The following AGO2 variants were observed in gnomAD, a reference collection of about 807,000 sequenced individuals.
AGO2 encodes protein argonaute-2.
A neutral mutation model predicts 102.3 loss-of-function variants in AGO2; 5 were observed. The observed-to-expected ratio is 0.05, with a 90% CI of 0.03 to 0.10. The LOEUF (loss-of-function observed/expected upper bound fraction) is 0.10, where lower values mean the gene tolerates loss of function less well. Among genes scored for constraint, AGO2 ranks in the 10% least tolerant of loss-of-function variants. The pLI is 1.00. For synonymous variants in AGO2, 449 were observed against 473.1 expected (o/e 0.95, Z 0.66); for missense variants, 541 against 1,183.7 (o/e 0.46, Z 7.97).
chr8:140,574,429 T>G (rs957540227), intron 2 of AGO2, among the ~76,000 whole-genome samples: 6 of 151,988 alleles, frequency 3.9e-5, no homozygotes, highest in African/African-American at 1.5e-4. Flanking sequence ...GCCCAGTTAA[T>G]TTTTAAATTT....
chr8:140,574,575 T>C (rs1163077842), intron 2 of AGO2, among the ~76,000 whole-genome samples: 1 of 152,068 alleles, frequency 6.6e-6, no homozygotes, highest in Non-Finnish European at 1.5e-5. Flanking sequence ...AGGGGGGTTC[T>C]GAGGCATTTT....
chr8:140,535,056 G>A (rs1438164709), intron 17 of AGO2, among the ~76,000 whole-genome samples: 4 of 152,212 alleles, frequency 2.6e-5, no homozygotes, highest in Non-Finnish European at 4.4e-5. Context: ...GGCTGACTGC[G>A]CCAAGTGCTC....
rs975469017 is a variant in AGO2 at position 140,531,840 on chromosome 8, T to C, written c.*204A>G. ...TTAGCAAACCATATTTCCTATGACA[T>C]TGGGTTCTCATACAGGTCTGCAGTT... On this transcript the variant is annotated 3_prime_UTR_variant, in exon 19 of 19. Coordinates refer to ENST00000220592, the MANE Select transcript of AGO2 (RefSeq NM_012154.5). 5.7e-6 allele frequency: 3 copies of C among 523,910 alleles called. No individual in the cohort carries two copies. Among genetic ancestry groups the C allele is most frequent in the Non-Finnish European group, 1.0e-5 (3 of 290,900 alleles). The allele number at this position is 523,910 out of a possible 1,614,324, so 32.5% of individuals were successfully genotyped here.
rs949268193 is a variant in AGO2, at chr8:140,526,204, G to A, written c.*5840C>T. On this transcript the variant is annotated 3_prime_UTR_variant, in exon 19 of 19. Coordinates refer to ENST00000220592, the MANE Select transcript of AGO2 (RefSeq NM_012154.5). The surrounding 1 kb of genome is among the most constrained non-coding windows in gnomAD (Gnocchi z 5.2). ...ATTTTACAGAGTGTATAAAAGAGAG[G>A]AGAGGACAGAGGAGGCCATTTTCAA... 1 of 152,224 alleles carries A rather than the reference G, an allele frequency of 6.6e-6. No individual in the cohort carries two copies. The highest frequency in any genetic ancestry group is 1.5e-5 in the Non-Finnish European group (1 of 68,050). The allele number at this position is 152,224 out of a possible 1,614,324, so 9.4% of individuals were successfully genotyped here.
At chr8:140,600,658 C>A (rs2133049769) in intron 1 of AGO2, among the ~76,000 whole-genome samples, 1 of 148,814 alleles carries the variant, frequency 6.7e-6, no homozygotes, top group South Asian at 2.1e-4. Flanking sequence ...CCAGTCTGGG[C>A]AACAAGAGCG....
At chr8:140,555,873 G>A (rs1052718252) in intron 10 of AGO2, 23 bp downstream of exon 10, 6 of 1,607,326 alleles carry the variant, frequency 3.7e-6, no homozygotes, top group East Asian at 2.2e-5. Context: ...GCAGCCACAC[G>A]TTCCCCGCCG....
At position 140,615,119 on chromosome 8, in the gene AGO2, C is replaced by G. The variant is rs141858816; in HGVS notation, c.22+20366G>C. Among the ~76,000 whole-genome samples the G allele has an allele frequency of 6.0e-3, 910 of 152,286 alleles. 12 individuals are homozygous for G. The highest frequency in any genetic ancestry group is 0.021 in the African/African-American group (875 of 41,546). On this transcript the variant is annotated intron_variant, in intron 1 of 18. Coordinates refer to ENST00000220592, the MANE Select transcript of AGO2 (RefSeq NM_012154.5). ...AAACAAAAGCAGGCTGGTGCAGTGACTCATGTCTGTAATCCCGGCACTTTG... is the reference window on the plus strand; with the variant it reads ...AAACAAAAGCAGGCTGGTGCAGTGAGTCATGTCTGTAATCCCGGCACTTTG...
intron 7 of AGO2, 91 bp downstream of exon 7, chr8:140,558,394 G>T: frequency 2.2e-6 from 3 of 1,382,934 alleles, no homozygotes; most frequent in Non-Finnish European, 2.1e-6. Context: ...CCTTTCTGGA[G>T]AATGGGCACA....
chr8:140,613,406 ATGT>A (rs780883692), intron 1 of AGO2, among the ~76,000 whole-genome samples: 7 of 152,256 alleles, frequency 4.6e-5, no homozygotes, highest in South Asian at 4.1e-4. Flanking sequence ...ATATAATGAC[ATGT>A]TGTTGTATCA....
chr8:140,577,207 CAAA>C (rs10661844), intron 2 of AGO2, among the ~76,000 whole-genome samples: 1 of 70,746 alleles, frequency 1.4e-5, no homozygotes, highest in Non-Finnish European at 2.5e-5. Context: ...GACTCCATCT[CAAA>C]AAAAAAAAAA....
At chr8:140,558,616 C>T (rs368842346) in intron 6 of AGO2, 44 bp from the exon 7 acceptor site, 5 of 1,595,832 alleles carry the variant, frequency 3.1e-6, no homozygotes, top group South Asian at 1.1e-5. Context: ...GCTGTCCCGA[C>T]CTGAGTGCAG....
chr8:140,595,949 T>TATA (rs1554708938), intron 1 of AGO2, among the ~76,000 whole-genome samples: 1 of 113,764 alleles, frequency 8.8e-6, no homozygotes, highest in African/African-American at 3.5e-5. Flanking sequence ...ATATATATTT[T>TATA]ATATATAATA....
rs954488542 is a variant in AGO2 at position 140,523,180 on chromosome 8, T to C, written c.*8864A>G. On this transcript the variant is annotated 3_prime_UTR_variant, in exon 19 of 19. Coordinates refer to ENST00000220592, the MANE Select transcript of AGO2 (RefSeq NM_012154.5). ...TGGTCACATGGTTCCACTGTACAGG[T>C]AGAAACAAGCCCACAGACAATACAT... The C allele has an allele frequency of 2.0e-5, 3 of 152,122 alleles. No homozygotes were observed. The highest frequency in any genetic ancestry group is 2.9e-5 in the Non-Finnish European group (2 of 68,032). The allele number at this position is 152,122 out of a possible 1,614,324, so 9.4% of individuals were successfully genotyped here.
chr8:140,624,807 A>C (rs1039627515), intron 1 of AGO2, among the ~76,000 whole-genome samples: 3 of 152,262 alleles, frequency 2.0e-5, no homozygotes, highest in African/African-American at 7.2e-5. Context: ...AACATCTGTC[A>C]ACAAGACGAT....
intron 12 of AGO2, among the ~76,000 whole-genome samples, chr8:140,548,761 C>A (rs990447564): frequency 6.6e-6 from 1 of 152,146 alleles, no homozygotes; most frequent in African/African-American, 2.4e-5. Flanking sequence ...GGCTGAGTCC[C>A]GGGCAGGAGG....
intron 1 of AGO2, among the ~76,000 whole-genome samples, chr8:140,599,037 C>T (rs1288156494): frequency 1.1e-4 from 16 of 152,194 alleles, no homozygotes; most frequent in African/African-American, 1.7e-4. Flanking sequence ...CCCTGCCCTC[C>T]GCAGCTCACA....
chr8:140,573,007 CTA>C, intron 2 of AGO2, 75 bp from the exon 3 acceptor site: 6 of 1,436,266 alleles, frequency 4.2e-6, no homozygotes, highest in South Asian at 2.7e-5. Context: ...TTTTCTGACG[CTA>C]TTTTTTTTTT....
chr8:140,547,440 A>C (rs1462140594), intron 13 of AGO2, 28 bp downstream of exon 13: 2 of 1,608,948 alleles, frequency 1.2e-6, no homozygotes, highest in Non-Finnish European at 8.5e-7. Context: ...CCTGGTCCGC[A>C]GGCGGAGGTA....
chr8:140,586,887 G>A (rs575318815), intron 1 of AGO2, among the ~76,000 whole-genome samples: 38 of 152,272 alleles, frequency 2.5e-4, no homozygotes, highest in African/African-American at 8.9e-4. Flanking sequence ...CGCTCCTCTC[G>A]GGGAGGAGAG....
Sources: allele counts gnomAD v4.1 joint callset (sites outside exome capture counted in the v4.1 genomes callset), GRCh38; gene constraint gnomAD v4.1.1; non-coding constraint Gnocchi (gnomAD v3.1); transcripts MANE v1.5; gene names NCBI Gene and HGNC (gene_info 2026-07-23, HGNC 2026-07-21).